Variants in YES1 observed in about 807,000 individuals in gnomAD.
YES1 encodes tyrosine-protein kinase Yes.
Under a neutral mutation model 70.4 loss-of-function variants are expected in YES1, and 39 were observed. That is an observed-to-expected ratio of 0.55 (90% CI 0.43 to 0.72). The LOEUF (loss-of-function observed/expected upper bound fraction) is 0.72, where lower values mean the gene tolerates loss of function less well. Among genes scored for constraint, YES1 ranks in the 30% least tolerant of loss-of-function variants. The pLI is 0.00. For synonymous variants in YES1, 198 were observed against 218.6 expected (o/e 0.91, Z 0.83); for missense variants, 495 against 644.8 (o/e 0.77, Z 2.52).
intron 11 of YES1, among the ~76,000 whole-genome samples, chr18:727,716 A>AC (rs561988203): frequency 1.3e-5 from 2 of 151,898 alleles, no homozygotes; most frequent in African/African-American, 4.8e-5. Flanking sequence ...TTATTCCCTG[A>AC]CCCCCTCTAC....
chr18:763,935 C>G (rs2145759309), intron 1 of YES1, among the ~76,000 whole-genome samples: 1 of 151,858 alleles, frequency 6.6e-6, no homozygotes, highest in South Asian at 2.1e-4. Flanking sequence ...TCCTGGCTAA[C>G]AGGGCGAAAA....
intron 11 of YES1, among the ~76,000 whole-genome samples, 199 bp from the exon 12 acceptor site, chr18:724,831 A>G (rs2079998980): frequency 6.6e-6 from 1 of 152,220 alleles, no homozygotes; most frequent in Non-Finnish European, 1.5e-5. Flanking sequence ...TAACATGTCT[A>G]ATTTTTCATT....
chr18:798,098 C>A (rs1906634641), intron 1 of YES1: 1 of 152,134 alleles, frequency 6.6e-6, no homozygotes, highest in Admixed American at 6.6e-5. Flanking sequence ...CTGAGAACCA[C>A]CTTCATGATC....
At position 742,921 on chromosome 18, in the gene YES1, T is replaced by C. The variant is rs758709210; in HGVS notation, c.1057A>G (p.Lys353Glu). The C allele has an allele frequency of 7.6e-6, 12 of 1,586,504 alleles. No individual in the cohort carries two copies. The East Asian group carries it at 2.5e-4, about 33-fold the overall frequency. ...CTAAGGAGATACTAATACATACCTT[T>C]TGACATAAATTCAGTGACAATGTAA... ...PIYIVTEFMS[K>E]GSLLDFLKEG... The change falls in exon 8 of 12, where the codon AAA becomes GAA. Residue 353 changes from lysine to glutamate, a missense_variant. Physicochemically the swap from Lys to Glu is moderately conservative, Grantham distance 56. Transcript: ENST00000314574.
intron 2 of YES1, among the ~76,000 whole-genome samples, chr18:756,285 G>T (rs2080405517): frequency 6.6e-6 from 1 of 151,072 alleles, no homozygotes; most frequent in Non-Finnish European, 1.5e-5. Flanking sequence ...CCTACAGTGG[G>T]GGGGGGCTCA....
At chr18:742,575 TTTGC>T (rs2080228534) in intron 8 of YES1, among the ~76,000 whole-genome samples, 1 of 152,204 alleles carries the variant, frequency 6.6e-6, no homozygotes, top group South Asian at 2.1e-4. Flanking sequence ...ACCTTATTTC[TTTGC>T]TTTAGTACTA....
At chr18:762,677 G>A (rs1223811881) in intron 1 of YES1, among the ~76,000 whole-genome samples, 2 of 151,910 alleles carry the variant, frequency 1.3e-5, no homozygotes, top group African/African-American at 2.4e-5. Flanking sequence ...CTCCGGTGAC[G>A]GGTGCACCAA....
At chr18:744,689 C>CTTTTTTTTTTTT in intron 6 of YES1, among the ~76,000 whole-genome samples, 1 of 56,878 alleles carries the variant, frequency 1.8e-5, no homozygotes. Flanking sequence ...CACGCCTGGC[C>CTTTTTTTTTTTT]TTTTTTTTTT....
chr18:729,370 G>A (rs12185477), intron 11 of YES1, among the ~76,000 whole-genome samples: 19,573 of 151,760 alleles, frequency 0.13, 1,367 homozygotes, highest in East Asian at 0.28. Context: ...AACCAAGATC[G>A]TGCCACTGTA....
intron 8 of YES1, among the ~76,000 whole-genome samples, chr18:741,029 C>G (rs973090599): frequency 6.6e-6 from 1 of 151,606 alleles, no homozygotes; most frequent in Non-Finnish European, 1.5e-5. Flanking sequence ...TCCCGAGCAG[C>G]TGGAACTACA....
At chr18:757,019 A>G (rs2145741131) in intron 1 of YES1, among the ~76,000 whole-genome samples, 184 bp from the exon 2 acceptor site, 1 of 152,332 alleles carries the variant, frequency 6.6e-6, no homozygotes, top group South Asian at 2.1e-4. Context: ...TACAATTTGC[A>G]AAAGCCCTAC....
At chr18:807,331 C>CAAA (rs34717750) in intron 1 of YES1, among the ~76,000 whole-genome samples, 7 of 125,670 alleles carry the variant, frequency 5.6e-5, no homozygotes, top group African/African-American at 1.5e-4. Context: ...GATACTTCAT[C>CAAA]AAAAAAAAAA....
intron 10 of YES1, among the ~76,000 whole-genome samples, chr18:733,569 G>A (rs935629447): frequency 1.3e-5 from 2 of 151,800 alleles, no homozygotes; most frequent in African/African-American, 2.4e-5. Context: ...GGATCATGAG[G>A]TCAGGAGATT....
chr18:802,860 A>T (rs1159480038), intron 1 of YES1, among the ~76,000 whole-genome samples: 1 of 151,850 alleles, frequency 6.6e-6, no homozygotes, highest in Non-Finnish European at 1.5e-5. Context: ...AGGCAAGTGG[A>T]TCGCTTGAGC....
chr18:794,900 T>C (rs1568217935), intron 1 of YES1, among the ~76,000 whole-genome samples: 3 of 152,174 alleles, frequency 2.0e-5, no homozygotes, highest in Non-Finnish European at 4.4e-5. Flanking sequence ...CACTGCAACC[T>C]TGCCTCCCGG....
chr18:742,875 A>G (rs767730645), intron 8 of YES1, 43 bp downstream of exon 8: 1 of 1,486,208 alleles, frequency 6.7e-7, no homozygotes, highest in South Asian at 1.4e-5. Context: ...AGACTCTTAA[A>G]AACATTATCA....
At chr18:772,547 C>T (rs999512079) in intron 1 of YES1, among the ~76,000 whole-genome samples, 2 of 152,044 alleles carry the variant, frequency 1.3e-5, no homozygotes, top group African/African-American at 4.8e-5. Context: ...ATTCTCCTGC[C>T]TCAGCCTCCT....
intron 3 of YES1, among the ~76,000 whole-genome samples, chr18:750,502 C>T (rs761377693): frequency 2.0e-5 from 3 of 152,172 alleles, no homozygotes; most frequent in Non-Finnish European, 2.9e-5. Context: ...TAGAAGACAG[C>T]GGCAGCACCC....
Position 723,805 on chromosome 18 carries a change from C to G in YES1, c.*619G>C, listed in dbSNP as rs1335340374. 1 of 153,088 alleles carries G rather than the reference C, an allele frequency of 6.5e-6. No homozygotes were observed. Among genetic ancestry groups the G allele is most frequent in the Non-Finnish European group, 1.5e-5 (1 of 68,364 alleles). 9.5% of individuals were successfully genotyped at this position (153,088 alleles called of 1,614,324 possible). ...ATGAATATTAATGTACTGCATTATA[C>G]TTTCAAATTCCACTTCTGTGGTCTA... On this transcript the variant is annotated 3_prime_UTR_variant, in exon 12 of 12. Coordinates refer to ENST00000314574, the MANE Select transcript of YES1 (RefSeq NM_005433.4).
Sources: allele counts gnomAD v4.1 joint callset (sites outside exome capture counted in the v4.1 genomes callset), GRCh38; gene constraint gnomAD v4.1.1; transcripts MANE v1.5; gene names NCBI Gene and HGNC (gene_info 2026-07-23, HGNC 2026-07-21).